Variants in COPG2 observed in about 807,000 individuals in gnomAD.
COPG2 encodes coatomer subunit gamma-2.
In COPG2, 37 loss-of-function variants were observed where a neutral mutation model predicts 46.3. The ratio of observed to expected loss-of-function variants is 0.80; its 90% CI spans 0.61 to 1.05. The LOEUF is 1.05. Ranked by LOEUF, COPG2 falls within the 50% of genes least tolerant of loss-of-function variation. The pLI, the probability that COPG2 is intolerant of heterozygous loss-of-function variation, is 0.00. For missense variants in COPG2, 427 were observed against 387.8 expected, an observed-to-expected ratio of 1.10 and a Z score of -0.85; for synonymous variants, 159 against 129.7, an observed-to-expected ratio of 1.23 and a Z score of -1.53.
intron 3 of COPG2, among the ~76,000 whole-genome samples, chr7:130,663,741 T>C (rs1036405370): frequency 7.4e-5 from 10 of 135,788 alleles, no homozygotes; most frequent in East Asian, 2.1e-4. Context: ...TTTTTTTTTT[T>C]TTTTTTTTTT....
intron 9 of COPG2, among the ~76,000 whole-genome samples, chr7:130,567,183 G>A (rs1347132400): frequency 2.6e-5 from 4 of 152,180 alleles, no homozygotes; most frequent in Non-Finnish European, 5.9e-5. Flanking sequence ...TATAAGGGAA[G>A]CTAAACATTG....
At chr7:130,559,811 T>C (rs1793689106) in intron 12 of COPG2, among the ~76,000 whole-genome samples, 1 of 152,212 alleles carries the variant, frequency 6.6e-6, no homozygotes, top group African/African-American at 2.4e-5. Context: ...TGGGTAAAGT[T>C]TGTTTTTTAA....
chr7:130,522,268 A>T (rs1168830132), intron 20 of COPG2, among the ~76,000 whole-genome samples: 1 of 152,212 alleles, frequency 6.6e-6, no homozygotes, highest in Non-Finnish European at 1.5e-5. Context: ...AATAATGAAA[A>T]GATAGGAAAG....
chr7:130,616,938 T>A, intron 6 of COPG2, 52 bp downstream of exon 6: 1 of 1,158,874 alleles, frequency 8.6e-7, no homozygotes, highest in Non-Finnish European at 1.3e-6. Flanking sequence ...CATGGCCACC[T>A]GCAGATAAAC....
At chr7:130,611,719 C>T (rs1794852627) in intron 8 of COPG2, among the ~76,000 whole-genome samples, 1 of 152,120 alleles carries the variant, frequency 6.6e-6, no homozygotes, top group Non-Finnish European at 1.5e-5. Flanking sequence ...AATCTTATTC[C>T]TCTTAAGAAT....
At chr7:130,640,142 T>A (rs533233172) in intron 5 of COPG2, among the ~76,000 whole-genome samples, 19 of 148,158 alleles carry the variant, frequency 1.3e-4, no homozygotes, top group African/African-American at 4.4e-4. Flanking sequence ...CTCTCCAGCT[T>A]GCAGTCACCA....
At chr7:130,529,056 A>T (rs1278995403) in intron 20 of COPG2, among the ~76,000 whole-genome samples, 1 of 152,170 alleles carries the variant, frequency 6.6e-6, no homozygotes, top group Non-Finnish European at 1.5e-5. Context: ...AACTGATGAA[A>T]TGTCAGGTGG....
At chr7:130,602,607 G>C (rs909091429) in intron 9 of COPG2, among the ~76,000 whole-genome samples, 16 of 152,064 alleles carry the variant, frequency 1.1e-4, no homozygotes, top group Middle Eastern at 6.3e-3. Flanking sequence ...GAATAGCTGG[G>C]ATTACAGGCA....
intron 3 of COPG2, among the ~76,000 whole-genome samples, chr7:130,665,146 A>C (rs1164361459): frequency 6.6e-5 from 10 of 152,148 alleles, no homozygotes; most frequent in African/African-American, 2.4e-4. Flanking sequence ...GCGCCACTGC[A>C]CTCCAGCCTG....
At position 130,547,679 on chromosome 7, in the gene COPG2, G is replaced by A. The variant is rs1478505008; in HGVS notation, c.2144C>T (p.Thr715Ile). The stretch of plus-strand genomic sequence containing the variant: ...TCCCTTCTGAGGGTTAGTACCTGCT[G>A]TAGGGTCATCATCAGGCAAACGAAC... Reference protein sequence around the residue: ...TLVRLPDDDPTAVAGSFSCTM... With the variant: ...TLVRLPDDDPIAVAGSFSCTM... Residue 715 changes from threonine to isoleucine, a missense_variant, in exon 20 of 24, where the codon ACA (threonine) becomes ATA (isoleucine). Thr to Ile is a moderately conservative substitution (Grantham distance 89). Transcript: ENST00000425248. The A allele has an allele frequency of 7.5e-6, 3 of 398,472 alleles. No individual in the cohort carries two copies. Among genetic ancestry groups the A allele is most frequent in the African/African-American group, 4.1e-5 (2 of 48,610 alleles). The allele number at this position is 398,472 out of a possible 1,614,324, so 24.7% of individuals were successfully genotyped here.
intron 5 of COPG2, among the ~76,000 whole-genome samples, chr7:130,622,858 G>C (rs979210480): frequency 1.3e-5 from 2 of 152,174 alleles, no homozygotes; most frequent in African/African-American, 4.8e-5. Flanking sequence ...AGGCAAGAAA[G>C]CACCAAAATA....
intron 5 of COPG2, among the ~76,000 whole-genome samples, chr7:130,640,546 T>C (rs1554457055): frequency 2.0e-5 from 3 of 152,144 alleles, no homozygotes; most frequent in African/African-American, 7.2e-5. Flanking sequence ...TTATTCACTG[T>C]TGTTCATTTC....
At chr7:130,527,676 C>G (rs992861917) in intron 20 of COPG2, among the ~76,000 whole-genome samples, 4 of 152,154 alleles carry the variant, frequency 2.6e-5, no homozygotes, top group African/African-American at 9.7e-5. Flanking sequence ...GTGAGAATCA[C>G]TGGTGGACAC....
intron 4 of COPG2, among the ~76,000 whole-genome samples, chr7:130,658,992 T>C (rs1584616727): frequency 6.6e-6 from 1 of 152,140 alleles, no homozygotes; most frequent in East Asian, 1.9e-4. Context: ...CAACCTGATT[T>C]TTTTAAGTGG....
chr7:130,636,284 TCTAATA>T (rs1411835248), intron 5 of COPG2, among the ~76,000 whole-genome samples: 2 of 152,144 alleles, frequency 1.3e-5, no homozygotes, highest in Non-Finnish European at 2.9e-5. Context: ...CGTTGATCTG[TCTAATA>T]CTGACAGTGG....
chr7:130,567,857 T>C (rs1325647116), intron 9 of COPG2, among the ~76,000 whole-genome samples: 1 of 151,462 alleles, frequency 6.6e-6, no homozygotes, highest in East Asian at 1.9e-4. Flanking sequence ...AAATAGAACC[T>C]CCTTAAAGAA....
At chr7:130,647,279 G>A (rs892678416) in intron 5 of COPG2, among the ~76,000 whole-genome samples, 1 of 151,830 alleles carries the variant, frequency 6.6e-6, no homozygotes, top group Non-Finnish European at 1.5e-5. Context: ...AAAGTGATCC[G>A]CCCCACCTCA....
At chr7:130,524,342 A>G (rs894029774) in intron 20 of COPG2, among the ~76,000 whole-genome samples, 19 of 151,974 alleles carry the variant, frequency 1.3e-4, no homozygotes, top group South Asian at 4.2e-4. Flanking sequence ...ATTGTGCTGA[A>G]AAAATGCAGG....
intron 5 of COPG2, among the ~76,000 whole-genome samples, chr7:130,651,492 GTATTTTTTTTTTTT>G (rs1795741785): frequency 2.6e-4 from 8 of 30,778 alleles, no homozygotes; most frequent in African/African-American, 9.3e-4. Flanking sequence ...TAATTTTTTT[GTATTTTTTTTTTTT>G]TTTTTTTTTT....
Sources: allele counts gnomAD v4.1 joint callset (sites outside exome capture counted in the v4.1 genomes callset), GRCh38; gene constraint gnomAD v4.1.1; transcripts MANE v1.5; gene names NCBI Gene and HGNC (gene_info 2026-07-23, HGNC 2026-07-21).